The following FSHR variants were observed in gnomAD, a reference collection of about 807,000 sequenced individuals.
FSHR encodes follicle stimulating hormone receptor, also known as follicle-stimulating hormone receptor.
Under a neutral mutation model 52.1 loss-of-function variants are expected in FSHR, and 46 were observed. The observed-to-expected ratio is 0.88, with a 90% CI of 0.70 to 1.13. FSHR has a LOEUF of 1.13. FSHR is among the 50% of genes most tolerant of loss of function. FSHR has a pLI of 0.00. For synonymous variants in FSHR, 399 were observed against 309.6 expected (o/e 1.29, Z -3.03); for missense variants, 964 against 834.6 (o/e 1.16, Z -1.91).
intron 1 of FSHR, among the ~76,000 whole-genome samples, chr2:49,123,026 C>G (rs1671872040): frequency 1.3e-5 from 2 of 152,082 alleles, no homozygotes; most frequent in South Asian, 4.2e-4. Context: ...TTTATCCTTC[C>G]TCGCCTCCTT....
intron 4 of FSHR, among the ~76,000 whole-genome samples, chr2:49,011,678 C>G (rs1425893755): frequency 6.6e-6 from 1 of 151,990 alleles, no homozygotes; most frequent in Non-Finnish European, 1.5e-5. Context: ...TCCTACTTTT[C>G]AGAAAGCAAA....
chr2:48,975,157 T>A (rs1203800950), intron 8 of FSHR, among the ~76,000 whole-genome samples: 1 of 152,100 alleles, frequency 6.6e-6, no homozygotes. Context: ...CAGAAGAGAT[T>A]GGTATGTGAA....
At chr2:49,110,845 C>T (rs1671398068) in intron 1 of FSHR, among the ~76,000 whole-genome samples, 1 of 152,132 alleles carries the variant, frequency 6.6e-6, no homozygotes, top group Non-Finnish European at 1.5e-5. Context: ...GTCGAAGAGT[C>T]ACCCAGACAA....
At chr2:49,107,987 T>A (rs1183631026) in intron 1 of FSHR, among the ~76,000 whole-genome samples, 1 of 152,104 alleles carries the variant, frequency 6.6e-6, no homozygotes, top group East Asian at 1.9e-4. Flanking sequence ...GTGCAAACAT[T>A]GTTTCTGGGT....
At chr2:49,054,581 A>G (rs1668985990) in intron 2 of FSHR, among the ~76,000 whole-genome samples, 1 of 152,172 alleles carries the variant, frequency 6.6e-6, no homozygotes, top group African/African-American at 2.4e-5. Flanking sequence ...CCATGCACCC[A>G]TGCCTCTGAT....
At chr2:49,083,733 C>A (rs1670264180) in intron 1 of FSHR, among the ~76,000 whole-genome samples, 1 of 149,022 alleles carries the variant, frequency 6.7e-6, no homozygotes, top group African/African-American at 2.5e-5. Flanking sequence ...CAACAAAGAT[C>A]AAAAGAGACA....
At chr2:49,060,130 C>A (rs1669232178) in intron 2 of FSHR, among the ~76,000 whole-genome samples, 1 of 151,862 alleles carries the variant, frequency 6.6e-6, no homozygotes, top group Non-Finnish European at 1.5e-5. Flanking sequence ...CAGAGAAATG[C>A]AAATCAAACC....
At chr2:49,067,449 A>G (rs1282968069) in intron 2 of FSHR, among the ~76,000 whole-genome samples, 2 of 152,094 alleles carry the variant, frequency 1.3e-5, no homozygotes, top group African/African-American at 4.8e-5. Flanking sequence ...CCTTCTGTAT[A>G]TACTCTGTCT....
intron 2 of FSHR, among the ~76,000 whole-genome samples, chr2:49,022,101 G>T (rs1045352009): frequency 2.6e-5 from 4 of 151,456 alleles, no homozygotes; most frequent in Non-Finnish European, 5.9e-5. Flanking sequence ...GCAGGAAAAG[G>T]CTAGCTAACA....
intron 4 of FSHR, among the ~76,000 whole-genome samples, chr2:48,998,383 T>C (rs963760477): frequency 2.6e-5 from 4 of 152,134 alleles, no homozygotes; most frequent in Admixed American, 2.0e-4. Context: ...TCATTATATA[T>C]GAAAACTCTC....
chr2:49,062,194 C>A (rs1020530494), intron 2 of FSHR, among the ~76,000 whole-genome samples: 1 of 151,980 alleles, frequency 6.6e-6, no homozygotes, highest in African/African-American at 2.4e-5. Flanking sequence ...CTATAGTAAT[C>A]CAAACAACGT....
At chr2:48,987,538 T>G (rs1054075949) in intron 6 of FSHR, among the ~76,000 whole-genome samples, 6 of 152,084 alleles carry the variant, frequency 3.9e-5, no homozygotes, top group African/African-American at 1.4e-4. Flanking sequence ...AAAAGGCAGG[T>G]GCTCTTCCTG....
At chr2:49,061,815 T>C (rs1207546235) in intron 2 of FSHR, among the ~76,000 whole-genome samples, 1 of 139,602 alleles carries the variant, frequency 7.2e-6, no homozygotes, top group African/African-American at 2.6e-5. Flanking sequence ...TATATAGTCA[T>C]ATATAACTAT....
rs1310083756 is a variant in FSHR at position 49,151,070 on chromosome 2, A to G, written c.152+3196T>C. 3.9e-5 allele frequency among the ~76,000 whole-genome samples: 6 copies of G among 151,936 alleles called. No individual in the cohort carries two copies. The East Asian group carries it at 1.2e-3, about 29-fold the overall frequency. On this transcript the variant is annotated intron_variant, in intron 1 of 9. Transcript: ENST00000406846. ...ATGGCTGCTTTTCTGCTACTGTGATAGAAGTGAGTAGTTGCAAGAAGTGGT... is the reference window on the plus strand; with the variant it reads ...ATGGCTGCTTTTCTGCTACTGTGATGGAAGTGAGTAGTTGCAAGAAGTGGT...
chr2:49,068,286 ACCT>A lies in FSHR; in HGVS notation c.154_156del (p.Arg52del). ...ATGACTCGAAGCTTGGTGAGGACAA[ACCT>A]CCTGCAAAGAGAGTAGAAATAAAAT... On this transcript the variant is annotated inframe_deletion and splice_region_variant, in exon 2 of 10. Transcript: ENST00000406846. 6.2e-7 allele frequency: 1 copy of A among 1,611,124 alleles called. No individual in the cohort carries two copies. The highest frequency in any genetic ancestry group is 1.1e-5 in the South Asian group (1 of 91,002).
At chr2:48,976,233 A>T (rs905184680) in intron 8 of FSHR, among the ~76,000 whole-genome samples, 1 of 152,176 alleles carries the variant, frequency 6.6e-6, no homozygotes, top group East Asian at 1.9e-4. Flanking sequence ...TTCTGCATCT[A>T]TTGAGATAAT....
intron 2 of FSHR, among the ~76,000 whole-genome samples, chr2:49,065,537 A>G (rs1281165475): frequency 6.6e-6 from 1 of 152,060 alleles, no homozygotes; most frequent in Non-Finnish European, 1.5e-5. Context: ...ACTGGGCAAT[A>G]TGGGAATACG....
At chr2:49,085,029 A>G (rs1408186574) in intron 1 of FSHR, among the ~76,000 whole-genome samples, 3 of 152,156 alleles carry the variant, frequency 2.0e-5, no homozygotes, top group African/African-American at 7.2e-5. Flanking sequence ...AAAGCCTGGT[A>G]GAGACACAAC....
chr2:48,969,662 T>C (rs1674645063), intron 8 of FSHR, among the ~76,000 whole-genome samples: 1 of 152,336 alleles, frequency 6.6e-6, no homozygotes, highest in South Asian at 2.1e-4. Context: ...CTATTCTTAG[T>C]AAACATAACA....
Sources: allele counts gnomAD v4.1 joint callset (sites outside exome capture counted in the v4.1 genomes callset), GRCh38; gene constraint gnomAD v4.1.1; transcripts MANE v1.5; gene names NCBI Gene and HGNC (gene_info 2026-07-23, HGNC 2026-07-21).